Variants in RNF220 observed in about 807,000 individuals in gnomAD.
RNF220 encodes E3 ubiquitin-protein ligase RNF220.
In RNF220, 7 loss-of-function variants were observed where a neutral mutation model predicts 67.1. The ratio of observed to expected loss-of-function variants is 0.10; its 90% CI spans 0.06 to 0.20. RNF220 has a LOEUF of 0.20. RNF220 is among the 10% of genes least tolerant of loss of function. RNF220 has a pLI of 1.00. For synonymous variants in RNF220, 270 were observed against 283.2 expected (o/e 0.95, Z 0.47); for missense variants, 565 against 740.3 (o/e 0.76, Z 2.75).
intron 2 of RNF220, among the ~76,000 whole-genome samples, chr1:44,605,983 G>C (rs2148409377): frequency 6.6e-6 from 1 of 152,310 alleles, no homozygotes; most frequent in South Asian, 2.1e-4. Context: ...ATGGGCCACA[G>C]CTAAATACAT....
intron 8 of RNF220, among the ~76,000 whole-genome samples, chr1:44,637,966 CTGTTTTA>C (rs1050643417): frequency 6.6e-5 from 10 of 152,254 alleles, no homozygotes; most frequent in African/African-American, 2.4e-4. Flanking sequence ...ACTTGAAAGG[CTGTTTTA>C]CAGCGAGATC....
Position 44,412,445 on chromosome 1 carries a change from T to C in RNF220, c.348T>C (p.Gly116=). The stretch of plus-strand genomic sequence containing the variant: ...CAATCAGTATGCTGAATCATAGTGG[T>C]GTGGGGGCTTTCCGGCCCTTTGCCT... ...CTPISMLNHS[G]VGAFRPFAST... is the part of the protein sequence containing the mutation. Residue 116 remains glycine (G), a synonymous_variant, in exon 2 of 15, where the codon GGT becomes GGC. Coordinates refer to ENST00000361799, the MANE Select transcript of RNF220 (RefSeq NM_018150.4). The surrounding 1 kb of genome is among the most constrained non-coding windows in gnomAD (Gnocchi z 5.3). 18 of 1,611,810 alleles carry C rather than the reference T, an allele frequency of 1.1e-5. No individual in the cohort carries two copies. The highest frequency in any genetic ancestry group is 1.5e-5 in the Non-Finnish European group (18 of 1,178,128).
intron 2 of RNF220, among the ~76,000 whole-genome samples, chr1:44,598,174 GA>G (rs1666665893): frequency 7.2e-6 from 1 of 138,904 alleles, no homozygotes. Flanking sequence ...TGGGGAGGGG[GA>G]AACAGGGAGG....
rs564450799 is a variant in RNF220 at position 44,484,922 on chromosome 1, T to A, written c.625+72200T>A. On this transcript the variant is annotated intron_variant, in intron 2 of 14. Transcript: ENST00000361799. ...ACTTCGGGAGGCCAAGGCAGGTGGA[T>A]CACAAGGTCAGGAGATCGAGGCCAT... Among the ~76,000 whole-genome samples the A allele has an allele frequency of 1.1e-4, 16 of 152,226 alleles. No individual in the cohort carries two copies. In the South Asian group the frequency reaches 3.3e-3, roughly 32 times the overall value.
chr1:44,632,304 T>C, intron 5 of RNF220, 39 bp from the exon 6 acceptor site: 1 of 1,613,982 alleles, frequency 6.2e-7, no homozygotes, highest in Non-Finnish European at 8.5e-7. Flanking sequence ...CCTGACGCTC[T>C]CTTTTCTTTT....
rs377609250 is a variant in RNF220 at position 44,635,595 on chromosome 1, C to T, written c.993+7C>T. 7.4e-5 allele frequency: 119 copies of T among 1,614,090 alleles called. No individual in the cohort carries two copies. In the African/African-American group the frequency reaches 1.4e-3, roughly 20 times the overall value. On this transcript the variant is annotated splice_region_variant and intron_variant, in intron 7 of 14. Transcript: ENST00000361799. ...GAAGCAAGATGAAGGGCAGGTATGT[C>T]CCCTGTGCAACCGCCCCCTGGCAGG...
intron 2 of RNF220, among the ~76,000 whole-genome samples, chr1:44,574,042 C>G (rs1227543735): frequency 1.3e-5 from 2 of 152,156 alleles, no homozygotes; most frequent in South Asian, 2.1e-4. Flanking sequence ...CACCTGAGCC[C>G]AGGGAGATGG....
intron 2 of RNF220, among the ~76,000 whole-genome samples, chr1:44,522,336 T>C (rs1660006300): frequency 6.6e-6 from 1 of 152,004 alleles, no homozygotes; most frequent in Non-Finnish European, 1.5e-5. Context: ...ATATCCAGAG[T>C]CCTGAAAGCT....
At position 44,406,823 on chromosome 1, in the gene RNF220, C is replaced by A. The variant is rs137963248; in HGVS notation, c.-118+1293C>A. On this transcript the variant is annotated intron_variant, in intron 1 of 14. Transcript: ENST00000361799. ...CTTCCGTGTGGCCCCCCGGGCGAGGCCGCCCACGGTGGTGAGGCCATCCGA... is the reference window on the plus strand; with the variant it reads ...CTTCCGTGTGGCCCCCCGGGCGAGGACGCCCACGGTGGTGAGGCCATCCGA... Among the ~76,000 whole-genome samples, 1,039 of 152,376 alleles carry A rather than the reference C, an allele frequency of 6.8e-3. 14 individuals are homozygous for A. Among genetic ancestry groups the A allele is most frequent in the African/African-American group, 0.024 (991 of 41,586 alleles).
rs1005205209 is a variant in RNF220 at position 44,459,448 on chromosome 1, C to A, written c.625+46726C>A. On this transcript the variant is annotated intron_variant, in intron 2 of 14. Coordinates refer to ENST00000361799, the MANE Select transcript of RNF220 (RefSeq NM_018150.4). ...ACACTTGTCCTCACACAGAACCCCC[C>A]CTAATAAACCCCCCAAAACTGGTAT... 3.3e-5 allele frequency among the ~76,000 whole-genome samples: 5 copies of A among 149,760 alleles called. No individual in the cohort carries two copies. The East Asian group carries it at 6.1e-4, about 18-fold the overall frequency.
intron 2 of RNF220, among the ~76,000 whole-genome samples, chr1:44,466,968 C>T (rs1380417120): frequency 1.3e-5 from 2 of 152,236 alleles, no homozygotes; most frequent in Non-Finnish European, 2.9e-5. Context: ...AGCTTTGAGG[C>T]ATTGGCTTCT....
At chr1:44,614,850 G>C (rs1196024447) in intron 3 of RNF220, among the ~76,000 whole-genome samples, 1 of 152,122 alleles carries the variant, frequency 6.6e-6, no homozygotes, top group African/African-American at 2.4e-5. Context: ...GAGGAGCCAG[G>C]TTATCAAAAA....
intron 5 of RNF220, among the ~76,000 whole-genome samples, chr1:44,628,548 T>A (rs80185210): frequency 0.23 from 34,439 of 152,100 alleles, 5,204 homozygotes; most frequent in Middle Eastern, 0.33. Flanking sequence ...AAAGGGCAAA[T>A]CAAACTAGGT....
intron 2 of RNF220, among the ~76,000 whole-genome samples, chr1:44,571,587 T>C (rs1664447816): frequency 6.6e-6 from 1 of 152,222 alleles, no homozygotes; most frequent in Admixed American, 6.5e-5. Flanking sequence ...CTTGAATAAA[T>C]GAATGAATGT....
chr1:44,512,367 C>T (rs907535478), intron 2 of RNF220, among the ~76,000 whole-genome samples: 6 of 152,270 alleles, frequency 3.9e-5, no homozygotes, highest in Non-Finnish European at 8.8e-5. Flanking sequence ...AATCTCTGCT[C>T]ATCCAAAAAA....
chr1:44,444,296 A>G (rs1651856742), intron 2 of RNF220, among the ~76,000 whole-genome samples: 1 of 152,184 alleles, frequency 6.6e-6, no homozygotes. Context: ...GGACGTTCAA[A>G]TGAGAGAGAT....
intron 2 of RNF220, among the ~76,000 whole-genome samples, chr1:44,539,378 C>G (rs1451487839): frequency 6.6e-6 from 1 of 152,152 alleles, no homozygotes; most frequent in African/African-American, 2.4e-5. Context: ...GAGCTTTCTA[C>G]TTATAGTTCT....
At chr1:44,635,818 TCTCA>T in intron 7 of RNF220, 1 of 1,280,512 alleles carries the variant, frequency 7.8e-7, no homozygotes, top group Non-Finnish European at 1.1e-6. Flanking sequence ...TTGCTTTCAC[TCTCA>T]CTCATTCCCT....
At chr1:44,445,878 C>T (rs1652029533) in intron 2 of RNF220, among the ~76,000 whole-genome samples, 1 of 152,232 alleles carries the variant, frequency 6.6e-6, no homozygotes, top group African/African-American at 2.4e-5. Context: ...GGAATTGCTT[C>T]ATCATCTTTT....
Sources: allele counts gnomAD v4.1 joint callset (sites outside exome capture counted in the v4.1 genomes callset), GRCh38; gene constraint gnomAD v4.1.1; non-coding constraint Gnocchi (gnomAD v3.1); transcripts MANE v1.5; gene names NCBI Gene and HGNC (gene_info 2026-07-23, HGNC 2026-07-21).